Variants in MACROD2 observed in about 807,000 individuals in gnomAD.
The protein encoded by MACROD2 is mono-ADP ribosylhydrolase 2, also known as ADP-ribose glycohydrolase MACROD2.
In MACROD2, 36 loss-of-function variants were observed where a neutral mutation model predicts 70.4. The ratio of observed to expected loss-of-function variants is 0.51; its 90% CI spans 0.39 to 0.68. The LOEUF (loss-of-function observed/expected upper bound fraction) is 0.68. Ranked by LOEUF, MACROD2 falls within the 30% of genes least tolerant of loss-of-function variation. The probability of loss-of-function intolerance (pLI) is 0.00; values close to 1 mark genes in which losing one functional copy is unlikely to be tolerated. For synonymous variants in MACROD2, 172 were observed against 178.8 expected (o/e 0.96, Z 0.30); for missense variants, 496 against 538.4 (o/e 0.92, Z 0.78).
At chr20:14,595,294 G>C (rs1236651997) in intron 4 of MACROD2, among the ~76,000 whole-genome samples, 1 of 151,980 alleles carries the variant, frequency 6.6e-6, no homozygotes, top group Non-Finnish European at 1.5e-5. Context: ...GGACGAAAAG[G>C]AAAAAAATAC....
chr20:15,986,621 CT>C, intron 13 of MACROD2, 105 bp from the exon 14 acceptor site: 1 of 629,380 alleles, frequency 1.6e-6, no homozygotes, highest in Non-Finnish European at 2.6e-6. Context: ...CAAAACTGTT[CT>C]CTATCTCTCC....
At chr20:14,711,191 T>C (rs1375767067) in intron 5 of MACROD2, among the ~76,000 whole-genome samples, 1 of 152,226 alleles carries the variant, frequency 6.6e-6, no homozygotes, top group Non-Finnish European at 1.5e-5. Flanking sequence ...CCTGGATTTT[T>C]GTTCAACACA....
intron 6 of MACROD2, among the ~76,000 whole-genome samples, chr20:15,364,270 A>T (rs978610962): frequency 6.6e-6 from 1 of 152,180 alleles, no homozygotes; most frequent in Admixed American, 6.5e-5. Context: ...TAAGCACTGG[A>T]TGCCCTGCAG....
chr20:14,718,445 T>TG (rs2071423770), intron 5 of MACROD2, among the ~76,000 whole-genome samples: 1 of 151,352 alleles, frequency 6.6e-6, no homozygotes, highest in African/African-American at 2.4e-5. Context: ...AGTCAACAGG[T>TG]GGGGGTCTTT....
chr20:14,150,799 A>G (rs1291332508), intron 3 of MACROD2, among the ~76,000 whole-genome samples: 4 of 152,202 alleles, frequency 2.6e-5, no homozygotes, highest in Non-Finnish European at 5.9e-5. Flanking sequence ...AGAGATAAGA[A>G]AAATGATGAG....
chr20:14,066,805 ATTTT>A (rs34648174), intron 2 of MACROD2, among the ~76,000 whole-genome samples: 3 of 104,100 alleles, frequency 2.9e-5, no homozygotes, highest in Admixed American at 1.2e-4. Context: ...TGTTTTAGTG[ATTTT>A]TTTTTTTTTT....
intron 8 of MACROD2, chr20:15,619,492 C>T: frequency 3.4e-6 from 1 of 292,500 alleles, no homozygotes; most frequent in South Asian, 3.8e-5. Context: ...TTCAGCTTGG[C>T]CACCCGCTGG....
chr20:14,599,085 C>CATCT (rs1410295171), intron 4 of MACROD2, among the ~76,000 whole-genome samples: 1 of 151,972 alleles, frequency 6.6e-6, no homozygotes, highest in East Asian at 1.9e-4. Flanking sequence ...AGGCATTAAC[C>CATCT]ATCTAGCAGG....
intron 3 of MACROD2, among the ~76,000 whole-genome samples, chr20:14,160,296 G>A (rs945253562): frequency 1.3e-5 from 2 of 152,148 alleles, no homozygotes; most frequent in African/African-American, 4.8e-5. Context: ...GGGAAAATTG[G>A]TGTTAGTTCT....
At chr20:15,630,098 A>T (rs1000312540) in intron 8 of MACROD2, among the ~76,000 whole-genome samples, 14 of 152,106 alleles carry the variant, frequency 9.2e-5, no homozygotes, top group African/African-American at 3.4e-4. Context: ...TTTGATGATG[A>T]CGATAGAGGA....
intron 3 of MACROD2, chr20:14,327,087 G>A (rs766736015): frequency 3.7e-6 from 6 of 1,613,644 alleles, no homozygotes; most frequent in Non-Finnish European, 5.1e-6. Context: ...TAACTGCAGA[G>A]ACAGAGTTGT....
chr20:14,086,267 C>A, intron 3 of MACROD2: 1 of 327,802 alleles, frequency 3.1e-6, no homozygotes, highest in Non-Finnish European at 6.2e-6. Flanking sequence ...AATTAGTTGT[C>A]TAGTTAATTT....
rs1385938076 is a variant in MACROD2 at position 14,113,021 on chromosome 20, AT to A, written c.271+27296del. ...AACAGTATTCTTATTTGTAGCCCAA[AT>A]TTGTGCCTTTTGAATAATAATGGTT... On this transcript the variant is annotated intron_variant, in intron 3 of 17. Coordinates refer to ENST00000684519, the MANE Select transcript of MACROD2 (RefSeq NM_001351661.2). Among the ~76,000 whole-genome samples, 23 of 152,080 alleles carry A rather than the reference AT, an allele frequency of 1.5e-4. No individual in the cohort carries two copies. In the East Asian group the frequency reaches 4.1e-3, roughly 27 times the overall value.
intron 3 of MACROD2, among the ~76,000 whole-genome samples, chr20:14,493,128 G>T (rs1046371092): frequency 6.6e-6 from 1 of 151,734 alleles, no homozygotes; most frequent in African/African-American, 2.4e-5. Flanking sequence ...CATTGAAATT[G>T]ACTAAATAAT....
At chr20:14,177,527 G>A (rs1334175446) in intron 3 of MACROD2, among the ~76,000 whole-genome samples, 1 of 151,944 alleles carries the variant, frequency 6.6e-6, no homozygotes, top group African/African-American at 2.4e-5. Flanking sequence ...TATTGGTCAG[G>A]CTGGTCTCGA....
chr20:15,676,734 G>A (rs1394312832), intron 8 of MACROD2, among the ~76,000 whole-genome samples: 5 of 152,074 alleles, frequency 3.3e-5, no homozygotes, highest in Admixed American at 2.0e-4. Context: ...GACATGTTTT[G>A]GCTTATGTTC....
intron 6 of MACROD2, among the ~76,000 whole-genome samples, chr20:15,369,054 T>G (rs2045454065): frequency 6.6e-6 from 1 of 152,204 alleles, no homozygotes; most frequent in South Asian, 2.1e-4. Context: ...TAATGGTTCC[T>G]GATAGGAGAG....
At chr20:15,726,586 G>A (rs1443457247) in intron 8 of MACROD2, among the ~76,000 whole-genome samples, 2 of 152,028 alleles carry the variant, frequency 1.3e-5, no homozygotes, top group East Asian at 3.9e-4. Context: ...AGCTTTGCCA[G>A]CATCTGTTAT....
At chr20:14,383,695 G>A (rs2083444893) in intron 3 of MACROD2, among the ~76,000 whole-genome samples, 2 of 152,134 alleles carry the variant, frequency 1.3e-5, no homozygotes, top group Admixed American at 6.5e-5. Context: ...GAAAATTGAT[G>A]TTGGTTAGAG....
Sources: gnomAD v4.1 joint callset for allele counts (sites outside exome capture counted in the v4.1 genomes callset) on GRCh38, gnomAD v4.1.1 for gene constraint, MANE v1.5 for transcripts, NCBI Gene and HGNC (gene_info 2026-07-23, HGNC 2026-07-21) for gene names.